The following E2F8 variants were observed in gnomAD, a reference collection of about 807,000 sequenced individuals.
E2F8 encodes the protein E2F transcription factor 8.
E2F8 carries 35 observed loss-of-function variants against 80.8 expected under a neutral mutation model. The observed-to-expected ratio is 0.43, with a 90% CI of 0.33 to 0.57. The LOEUF (loss-of-function observed/expected upper bound fraction) is 0.57. Among genes scored for constraint, E2F8 ranks in the 20% least tolerant of loss-of-function variants. E2F8 has a pLI of 0.04. For missense variants in E2F8, 975 were observed against 1,056.2 expected (o/e 0.92, Z 1.07); for synonymous variants, 386 against 395.0 (o/e 0.98, Z 0.27).
chr11:19,227,544 A>G (rs1023883738), intron 10 of E2F8, among the ~76,000 whole-genome samples: 1 of 152,146 alleles, frequency 6.6e-6, no homozygotes, highest in Admixed American at 6.5e-5. Flanking sequence ...AATAATTAGA[A>G]CTATTAAATT....
At position 19,229,355 on chromosome 11, in the gene E2F8, T is replaced by C. The variant is rs1851310302; in HGVS notation, c.1893+99A>G. 1 of 1,472,796 alleles carries C rather than the reference T, an allele frequency of 6.8e-7. No homozygotes were observed. The highest frequency in any genetic ancestry group is 2.2e-5 in the Admixed American group (1 of 45,070). The allele number at this position is 1,472,796 out of a possible 1,614,324, so 91.2% of individuals were successfully genotyped here. A position where few individuals can be genotyped will look rare whatever the true frequency, so the allele number is the denominator to read the frequency against. On this transcript the variant is annotated intron_variant, in intron 10 of 12. Coordinates refer to ENST00000250024, the MANE Select transcript of E2F8 (RefSeq NM_024680.4). The surrounding 1 kb of genome is among the most constrained non-coding windows in gnomAD (Gnocchi z 4.3). The stretch of plus-strand genomic sequence containing the variant: ...GATGCTAAGGAACAGTTCCTTGTCT[T>C]CTGAGAGAATGCTCTTCGGTAAATT...
intron 10 of E2F8, among the ~76,000 whole-genome samples, chr11:19,228,512 TACCCAAAAGCA>T (rs1420199023): frequency 2.0e-5 from 3 of 152,244 alleles, no homozygotes; most frequent in Non-Finnish European, 2.9e-5. Context: ...CACAGGCAAG[TACCCAAAAGCA>T]ATTGCCACCA....
intron 12 of E2F8, 135 bp from the exon 13 acceptor site, chr11:19,224,975 G>A: frequency 1.7e-6 from 2 of 1,205,820 alleles, no homozygotes; most frequent in South Asian, 3.1e-5. Flanking sequence ...GGCGAGGGAA[G>A]CTTTGGTGAG....
At chr11:19,237,184 T>C in intron 4 of E2F8, 130 bp downstream of exon 4, 4 of 904,714 alleles carry the variant, frequency 4.4e-6, no homozygotes, top group South Asian at 3.2e-5. Context: ...GCTTTAGAGA[T>C]AGAAAATTTC....
chr11:19,227,612 A>G (rs1851268727), intron 10 of E2F8, among the ~76,000 whole-genome samples: 1 of 151,992 alleles, frequency 6.6e-6, no homozygotes, highest in African/African-American at 2.4e-5. Flanking sequence ...TAGCCCTTCC[A>G]CCCCTTCCTC....
intron 10 of E2F8, among the ~76,000 whole-genome samples, chr11:19,227,198 G>C (rs1590122355): frequency 6.6e-6 from 1 of 152,072 alleles, no homozygotes; most frequent in East Asian, 1.9e-4. Flanking sequence ...TTTTCCTTGG[G>C]AACCAGGAAA....
chr11:19,225,557 T>A lies in E2F8; in HGVS notation c.2085A>T (p.Val695=). 2.5e-6 allele frequency: 4 copies of A among 1,614,188 alleles called. No homozygotes were observed. Among genetic ancestry groups the A allele is most frequent in the Non-Finnish European group, 3.4e-6 (4 of 1,180,036 alleles). ...GTGAGACCATTAGCTTCAACGGTGT[T>A]ACATGAAAAGAGGGAAAATTAACAG... is the stretch of plus-strand genomic sequence containing the variant. ...LTAVNFPSFH[V]TPLKLMVSPT... Residue 695 remains valine (V), a synonymous_variant, in exon 12 of 13, where the codon GTA becomes GTT. Coordinates refer to ENST00000250024, the MANE Select transcript of E2F8 (RefSeq NM_024680.4).
chr11:19,224,940 T>C, intron 12 of E2F8, 100 bp from the exon 13 acceptor site: 4 of 1,382,012 alleles, frequency 2.9e-6, no homozygotes, highest in Non-Finnish European at 3.9e-6. Context: ...TATTGCACAT[T>C]GGGAAACTGG....
intron 8 of E2F8, 122 bp downstream of exon 8, chr11:19,230,509 G>A: frequency 7.9e-7 from 1 of 1,259,932 alleles, no homozygotes; most frequent in Non-Finnish European, 1.1e-6. Context: ...GGCTTCAAGA[G>A]GGTTTGGGTA....
chr11:19,241,637 C>A (rs1851671504), upstream of E2F8: 1 of 152,370 alleles, frequency 6.6e-6, no homozygotes, highest in South Asian at 2.0e-4. The surrounding 1 kb of genome is among the most constrained non-coding windows in gnomAD (Gnocchi z 4.5). Context: ...AACCCGCTCC[C>A]GGCGCGAGCC....
intron 4 of E2F8, 115 bp from the exon 5 acceptor site, chr11:19,235,173 A>G (rs1851481928): frequency 2.2e-6 from 2 of 919,736 alleles, no homozygotes; most frequent in Admixed American, 2.9e-5. Context: ...CACTTTCCTA[A>G]CTGTAAGTGA....
At chr11:19,226,192 G>A in intron 10 of E2F8, 1 of 258,262 alleles carries the variant, frequency 3.9e-6, no homozygotes, top group Non-Finnish European at 7.4e-6. Flanking sequence ...TCTTGCTACT[G>A]GACTCCTTGG....
intron 10 of E2F8, among the ~76,000 whole-genome samples, chr11:19,227,218 C>T (rs1851258322): frequency 1.3e-5 from 2 of 152,130 alleles, no homozygotes; most frequent in East Asian, 3.9e-4. Flanking sequence ...ATTCAGAATC[C>T]ACAAAGCTAA....
chr11:19,238,190 T>C, intron 2 of E2F8, 58 bp from the exon 3 acceptor site: 1 of 1,513,328 alleles, frequency 6.6e-7, no homozygotes, highest in South Asian at 1.3e-5. Context: ...ATCAGACAGC[T>C]TGGATTCTAG....
At chr11:19,227,549 T>G (rs1851267348) in intron 10 of E2F8, among the ~76,000 whole-genome samples, 1 of 152,182 alleles carries the variant, frequency 6.6e-6, no homozygotes, top group Non-Finnish European at 1.5e-5. Context: ...TTAGAACTAT[T>G]AAATTGCCGA....
In E2F8 at chr11:19,230,224, G is replaced by A; in HGVS notation, c.1358+17C>T. Reference sequence around the variant, plus strand: ...AAAAGTAATTCATCCTGTTATTAAAGAGGATTGCCAACCTACCTTGATTGC... The same window carrying A: ...AAAAGTAATTCATCCTGTTATTAAAAAGGATTGCCAACCTACCTTGATTGC... On this transcript the variant is annotated intron_variant, in intron 9 of 12. Coordinates refer to ENST00000250024, the MANE Select transcript of E2F8 (RefSeq NM_024680.4). 3 of 1,604,016 alleles carry A rather than the reference G, an allele frequency of 1.9e-6. No homozygotes were observed. Among genetic ancestry groups the A allele is most frequent in the Non-Finnish European group, 2.5e-6 (3 of 1,176,476 alleles).
intron 7 of E2F8, 74 bp downstream of exon 7, chr11:19,232,160 C>T: frequency 1.3e-6 from 2 of 1,577,210 alleles, no homozygotes; most frequent in Non-Finnish European, 1.7e-6. Flanking sequence ...GGGAACAACA[C>T]ACACTGGAAA....
chr11:19,237,790 G>A (rs1851558859), intron 3 of E2F8, 64 bp downstream of exon 3: 1 of 1,549,900 alleles, frequency 6.5e-7, no homozygotes, highest in Non-Finnish European at 8.7e-7. Flanking sequence ...TTCTCTAATA[G>A]CTACAACCTC....
chr11:19,238,344 A>G (rs1851577749), intron 2 of E2F8, among the ~76,000 whole-genome samples: 2 of 152,360 alleles, frequency 1.3e-5, no homozygotes, highest in African/African-American at 4.8e-5. Context: ...TAATTTTGCA[A>G]TAAGCCATAA....
Sources: allele counts gnomAD v4.1 joint callset (sites outside exome capture counted in the v4.1 genomes callset), GRCh38; gene constraint gnomAD v4.1.1; non-coding constraint Gnocchi (gnomAD v3.1); transcripts MANE v1.5; gene names NCBI Gene and HGNC (gene_info 2026-07-23, HGNC 2026-07-21).